The following NXF3 variants were observed in gnomAD, a reference collection of about 807,000 sequenced individuals.
NXF3 encodes the protein nuclear RNA export factor 3.
In NXF3, 34 loss-of-function variants were observed where a neutral mutation model predicts 48.4. The observed-to-expected ratio is 0.70, with a 90% CI of 0.53 to 0.93. The LOEUF (loss-of-function observed/expected upper bound fraction) is 0.93. NXF3 is among the 40% of genes least tolerant of loss of function. NXF3 has a pLI of 0.00. For missense variants in NXF3, 359 were observed against 406.1 expected (o/e 0.88, Z 1.00); for synonymous variants, 132 against 145.7 (o/e 0.91, Z 0.68).
At chrX:103,091,939 T>A (rs1156352880) in intron 1 of NXF3, among the ~76,000 whole-genome samples, 2 of 101,735 alleles carry the variant, frequency 2.0e-5, no homozygotes, top group Admixed American at 2.2e-4. Context: ...GAGCCGAGAT[T>A]GTGCCACTGC....
At chrX:103,087,966 G>C (rs1393920010) in intron 1 of NXF3, 19 of 954,599 alleles carry the variant, frequency 2.0e-5, no homozygotes, top group Non-Finnish European at 2.8e-5. Context: ...ATTGCCCCCT[G>C]CCTAATAAGT....
chrX:103,079,094 A>G, intron 16 of NXF3, 127 bp downstream of exon 16: 1 of 746,947 alleles, frequency 1.3e-6, no homozygotes, highest in Non-Finnish European at 2.1e-6. Flanking sequence ...TTGGGGTGGG[A>G]AAACACGGAG....
chrX:103,080,750 T>C (rs1033088186), intron 9 of NXF3, 138 bp from the exon 10 acceptor site: 1 of 542,412 alleles, frequency 1.8e-6, no homozygotes, highest in African/African-American at 2.3e-5. Context: ...TCTGCAGCCC[T>C]GGGCAGCATT....
chrX:103,091,205 C>CT (rs917078031), intron 1 of NXF3, among the ~76,000 whole-genome samples: 2 of 110,085 alleles, frequency 1.8e-5, no homozygotes, highest in African/African-American at 6.6e-5. Context: ...TGCTACTATA[C>CT]TTTTTTTTTG....
At chrX:103,092,922 T>C (rs1922313602) in intron 1 of NXF3, 74 bp downstream of exon 1, 1 of 1,009,983 alleles carries the variant, frequency 9.9e-7, no homozygotes. Context: ...TGGGTTAGGG[T>C]AAGGTGGGGA....
At position 103,088,178 on chromosome X, in the gene NXF3, C is replaced by T. The variant is rs1266957177; in HGVS notation, c.29-3295G>A. 40 of 1,012,390 alleles carry T rather than the reference C, an allele frequency of 4.0e-5. No individual in the cohort carries two copies. In the African/African-American group the frequency reaches 6.6e-4, roughly 17 times the overall value. The allele number at this position is 1,012,390 out of a possible 1,213,427, so 83.4% of individuals were successfully genotyped here. On this transcript the variant is annotated intron_variant, in intron 1 of 19. Coordinates refer to ENST00000395065, the MANE Select transcript of NXF3 (RefSeq NM_022052.2). ...TTCCAAGCAGGTTCAAAAGAAGCTA[C>T]AACTATAAAACCATTGTTAAAAAAA...
At chrX:103,077,769 G>A in intron 17 of NXF3, 23 bp from the exon 18 acceptor site, 1 of 1,207,227 alleles carries the variant, frequency 8.3e-7, no homozygotes, top group Non-Finnish European at 1.1e-6. Context: ...TGGGCCATCA[G>A]GTAGCCGGAG....
chrX:103,080,017 G>A lies in NXF3; in HGVS notation c.1048C>T (p.Gln350Ter). 1 of 1,210,802 alleles carries A rather than the reference G, an allele frequency of 8.3e-7. No individual in the cohort carries two copies. Among genetic ancestry groups the A allele is most frequent in the South Asian group, 1.8e-5 (1 of 56,913 alleles). Residue 350 changes from glutamine to a stop codon, truncating the protein, a stop_gained, in exon 12 of 20, where the codon CAG becomes TAG. Transcript: ENST00000395065. LOFTEE classifies it high-confidence loss of function. ...MLKNLVLQFL[Q>*]QYYLIYDSGD... Reference sequence around the variant, plus strand: ...CAGATTCCCAGGGATACTTACTGCTGCAGGAATTGCAGGACCAGATTCTTC... The same window carrying A: ...CAGATTCCCAGGGATACTTACTGCTACAGGAATTGCAGGACCAGATTCTTC...
chrX:103,084,788 G>A lies in NXF3; in HGVS notation c.124C>T (p.His42Tyr), dbSNP rs777661491. The A allele has an allele frequency of 1.7e-6, 2 of 1,210,814 alleles. No individual in the cohort carries two copies. The highest frequency in any genetic ancestry group is 3.5e-5 in the South Asian group (2 of 56,963). Residue 42 changes from histidine (H) to tyrosine (Y), a missense_variant, in exon 2 of 20, where the codon CAT becomes TAT. His to Tyr is a moderately conservative substitution (Grantham distance 83). Coordinates refer to ENST00000395065, the MANE Select transcript of NXF3 (RefSeq NM_022052.2). ...TCTTGCTGCTGATGGGATGAAGAAT[G>A]CATGCCAGGATTGACAGGTTCAGAC... ...SRSEPVNPGM[H>Y]SSSHQQQDGD...
At chrX:103,080,736 T>C in intron 9 of NXF3, 124 bp from the exon 10 acceptor site, 2 of 652,384 alleles carry the variant, frequency 3.1e-6, no homozygotes, top group Non-Finnish European at 4.9e-6. Flanking sequence ...CCGAAGTTCC[T>C]GCCTCTGCAG....
rs776595402 is a variant in NXF3, at chrX:103,082,664, T to C, written c.780+96A>G. ...GGAGGAATGAATTAAGAACTAAGAG[T>C]GAAGGCCCCCAACAGGGGATATCTT... is the stretch of plus-strand genomic sequence containing the variant. On this transcript the variant is annotated intron_variant, in intron 8 of 19. Coordinates refer to ENST00000395065, the MANE Select transcript of NXF3 (RefSeq NM_022052.2). The C allele has an allele frequency of 8.3e-4, 590 of 707,586 alleles. 1 individual carries two copies. Among genetic ancestry groups the C allele is most frequent in the Non-Finnish European group, 1.1e-3 (487 of 455,882 alleles). 58.3% of individuals were successfully genotyped at this position (707,586 alleles called of 1,213,427 possible).
At position 103,082,743 on chromosome X, in the gene NXF3, T is replaced by G; in HGVS notation, c.780+17A>C. 8.5e-7 allele frequency: 1 copy of G among 1,169,745 alleles called. No individual in the cohort carries two copies. The highest frequency in any genetic ancestry group is 1.2e-6 in the Non-Finnish European group (1 of 857,240). On this transcript the variant is annotated intron_variant, in intron 8 of 19. Coordinates refer to ENST00000395065, the MANE Select transcript of NXF3 (RefSeq NM_022052.2). ...TCCACCTTCACCCTCAATCCCAGCA[T>G]GAGCCTAAGGCCTCACTGTAGGTAT... is the stretch of plus-strand genomic sequence containing the variant.
At chrX:103,083,567 C>G (rs370299706) in intron 4 of NXF3, 42 bp downstream of exon 4, 1 of 1,175,728 alleles carries the variant, frequency 8.5e-7, no homozygotes, top group South Asian at 1.8e-5. Context: ...CAGCCCCCAA[C>G]CTGTCCTGTT....
intron 1 of NXF3, among the ~76,000 whole-genome samples, chrX:103,085,913 AAAAAAAAAAAG>A (rs1273548555): frequency 5.7e-5 from 6 of 105,605 alleles, no homozygotes; most frequent in African/African-American, 2.1e-4. Flanking sequence ...AAAAAAAAAA[AAAAAAAAAAAG>A]AAAGAAAGAA....
chrX:103,083,629 C>T lies in NXF3; in HGVS notation c.415G>A (p.Val139Ile). ...CTTACCTCAACTGGGACGAAGGGTACACTGCATTCATTCTGAATCAAATTC... is the reference window on the plus strand; with the variant it reads ...CTTACCTCAACTGGGACGAAGGGTATACTGCATTCATTCTGAATCAAATTC... ...LLNLIQNECS[V>I]PFVPVEFHYE... Residue 139 changes from valine (V) to isoleucine (I), a missense_variant, in exon 4 of 20, where the codon GTA (valine) becomes ATA (isoleucine). Coordinates refer to ENST00000395065, the MANE Select transcript of NXF3 (RefSeq NM_022052.2). 8.3e-7 allele frequency: 1 copy of T among 1,208,913 alleles called. No individual in the cohort carries two copies. The highest frequency in any genetic ancestry group is 3.0e-5 in the East Asian group (1 of 33,822).
At position 103,082,823 on chromosome X, in the gene NXF3, C is replaced by T; in HGVS notation, c.717G>A (p.Met239Ile). 3.3e-6 allele frequency: 4 copies of T among 1,210,177 alleles called. No homozygotes were observed. The highest frequency in any genetic ancestry group is 4.5e-6 in the Non-Finnish European group (4 of 894,245). Residue 239 changes from methionine (M) to isoleucine (I), a missense_variant, in exon 8 of 20, where the codon ATG (methionine) becomes ATA (isoleucine). By Grantham distance (10) the Met-to-Ile change is conservative (BLOSUM62 1). Transcript: ENST00000395065. Reference sequence around the variant, plus strand: ...CCATGCACTTTCTAGGATTCGATGCCATCTTAGTATCACGGTTCACCATGT... The same window carrying T: ...CCATGCACTTTCTAGGATTCGATGCTATCTTAGTATCACGGTTCACCATGT... ...YPDMVNRDTK[M>I]ASNPRKCMAA...
rs754205696 is a variant in NXF3 at position 103,079,213 on chromosome X, A to T, written c.1378+8T>A. Reference sequence around the variant, plus strand: ...GGGATCTGGGGAAGGGACTCTACAGACACTCACCTTCCTTGAACACCCCGT... The same window carrying T: ...GGGATCTGGGGAAGGGACTCTACAGTCACTCACCTTCCTTGAACACCCCGT... On this transcript the variant is annotated splice_region_variant and intron_variant, in intron 16 of 19. Coordinates refer to ENST00000395065, the MANE Select transcript of NXF3 (RefSeq NM_022052.2). The T allele has an allele frequency of 8.3e-7, 1 of 1,207,657 alleles. No homozygotes were observed. Among genetic ancestry groups the T allele is most frequent in the African/African-American group, 1.8e-5 (1 of 56,990 alleles).
Position 103,079,465 on chromosome X carries a change from C to T in NXF3, c.1229G>A (p.Gly410Glu), listed in dbSNP as rs1482465173. The change falls in exon 15 of 20, where the codon GGG (glycine) becomes GAG (glutamate). Residue 410 changes from glycine (G) to glutamate (E), a missense_variant. By Grantham distance (98) the Gly-to-Glu change is moderately conservative. Coordinates refer to ENST00000395065, the MANE Select transcript of NXF3 (RefSeq NM_022052.2). Reference sequence around the variant, plus strand: ...AAGTTTTGTGTGCTTCAGCAGCTCCCCCCGAAGGTCTGTAGAGGAGAAGAG... The same window carrying T: ...AAGTTTTGTGTGCTTCAGCAGCTCCTCCCGAAGGTCTGTAGAGGAGAAGAG... ...IKILKDPYLR[G>E]ELLKHTKLDI... The T allele has an allele frequency of 8.3e-7, 1 of 1,209,087 alleles. No individual in the cohort carries two copies. The highest frequency in any genetic ancestry group is 3.0e-5 in the East Asian group (1 of 33,810).
At position 103,084,883 on chromosome X, in the gene NXF3, C is replaced by A; in HGVS notation, c.29G>T (p.Gly10Val). 1 of 1,206,614 alleles carries A rather than the reference C, an allele frequency of 8.3e-7. No homozygotes were observed. Among genetic ancestry groups the A allele is most frequent in the Non-Finnish European group, 1.1e-6 (1 of 891,404 alleles). Residue 10 changes from glycine (G) to valine (V), a missense_variant and splice_region_variant, in exon 2 of 20, where the codon GGT becomes GTT. Transcript: ENST00000395065. MSLPSGHTT[G>V]HTDQVVQRRA... ...TCTTTGAACAACTTGATCAGTGTGA[C>A]CTTAAATTAAGAACAGCACATCAAC...
Sources: gnomAD v4.1 joint callset for allele counts (sites outside exome capture counted in the v4.1 genomes callset) on GRCh38, gnomAD v4.1.1 for gene constraint, MANE v1.5 for transcripts, NCBI Gene and HGNC (gene_info 2026-07-23, HGNC 2026-07-21) for gene names.